The following CNTNAP5 variants were observed in gnomAD, a reference collection of about 807,000 sequenced individuals.
The protein encoded by CNTNAP5 is contactin associated protein family member 5.
Under a neutral mutation model 150.2 loss-of-function variants are expected in CNTNAP5, and 72 were observed. The observed-to-expected ratio is 0.48, with a 90% CI of 0.40 to 0.58. The LOEUF is 0.58. Ranked by LOEUF, CNTNAP5 falls within the 20% of genes least tolerant of loss-of-function variation. CNTNAP5 has a pLI of 0.00. For missense variants in CNTNAP5, 1,636 were observed against 1,626.2 expected (o/e 1.01, Z -0.10); for synonymous variants, 672 against 619.8 (o/e 1.08, Z -1.25).
chr2:124,385,916 G>A (rs2565763), intron 3 of CNTNAP5, among the ~76,000 whole-genome samples: 199 of 151,714 alleles, frequency 1.3e-3, no homozygotes, highest in African/African-American at 4.2e-3. Flanking sequence ...GTTTGTTTTC[G>A]GCCGTTTGGC....
At chr2:124,160,929 C>T (rs1339051897) in intron 1 of CNTNAP5, among the ~76,000 whole-genome samples, 3 of 152,164 alleles carry the variant, frequency 2.0e-5, no homozygotes, top group East Asian at 1.9e-4. Context: ...TTTGTTTGTA[C>T]TATATCCTGC....
At chr2:124,905,502 C>A (rs973413599) in intron 22 of CNTNAP5, among the ~76,000 whole-genome samples, 1 of 152,074 alleles carries the variant, frequency 6.6e-6, no homozygotes, top group Non-Finnish European at 1.5e-5. Flanking sequence ...GCTTCACTAC[C>A]CTCTAAGTGC....
intron 8 of CNTNAP5, 65 bp downstream of exon 8, chr2:124,504,621 G>A: frequency 6.6e-7 from 1 of 1,506,412 alleles, no homozygotes; most frequent in Non-Finnish European, 9.1e-7. Flanking sequence ...TTGAGGTCCT[G>A]ACAAAAACAT....
At chr2:124,203,384 G>T (rs1685776202) in intron 1 of CNTNAP5, among the ~76,000 whole-genome samples, 1 of 152,090 alleles carries the variant, frequency 6.6e-6, no homozygotes, top group Non-Finnish European at 1.5e-5. Context: ...GACTTTTCTG[G>T]GCTCATGGTG....
intron 14 of CNTNAP5, among the ~76,000 whole-genome samples, chr2:124,755,145 A>G (rs1260110209): frequency 6.6e-6 from 1 of 152,082 alleles, no homozygotes; most frequent in Non-Finnish European, 1.5e-5. Context: ...TCTAATATGA[A>G]CAGCCTATCA....
chr2:124,731,249 A>C (rs1680264136), intron 13 of CNTNAP5, among the ~76,000 whole-genome samples: 1 of 151,994 alleles, frequency 6.6e-6, no homozygotes, highest in Non-Finnish European at 1.5e-5. Context: ...GTTCTCTTTG[A>C]TGTATTTGCC....
Position 124,786,700 on chromosome 2 carries a change from G to A in CNTNAP5, c.2753-3202G>A, listed in dbSNP as rs72980445. Among the ~76,000 whole-genome samples, 1,088 of 152,194 alleles carry A rather than the reference G, an allele frequency of 7.1e-3. 17 individuals are homozygous for A. The highest frequency in any genetic ancestry group is 0.025 in the African/African-American group (1,028 of 41,504). Reference sequence around the variant, plus strand: ...GGGAGAGAAAATCCACAGGGCTGGCGTAGGGGAGGAGGACAGTGAGAGAGG... The same window carrying A: ...GGGAGAGAAAATCCACAGGGCTGGCATAGGGGAGGAGGACAGTGAGAGAGG... On this transcript the variant is annotated intron_variant, in intron 17 of 23. Coordinates refer to ENST00000682447, the MANE Select transcript of CNTNAP5 (RefSeq NM_001367498.1).
intron 6 of CNTNAP5, among the ~76,000 whole-genome samples, chr2:124,452,518 C>A (rs563878802): frequency 1.2e-4 from 18 of 152,144 alleles, no homozygotes; most frequent in Non-Finnish European, 2.1e-4. Flanking sequence ...TGGCCACCAC[C>A]TGTTCCTCTC....
Position 124,196,662 on chromosome 2 carries a change from AGT to A in CNTNAP5, c.83-25042_83-25041del, listed in dbSNP as rs151129537. On this transcript the variant is annotated intron_variant, in intron 1 of 23. Transcript: ENST00000682447. ...AAGCATCCCACTTCCCACTGTAAACAGTCACAAAGCATTTTAAAATAGGTTCA... is the reference window on the plus strand; with the variant it reads ...AAGCATCCCACTTCCCACTGTAAACACACAAAGCATTTTAAAATAGGTTCA... Among the ~76,000 whole-genome samples, 1,508 of 152,340 alleles carry A rather than the reference AGT, an allele frequency of 9.9e-3. 22 individuals carry two copies. Among genetic ancestry groups the A allele is most frequent in the African/African-American group, 0.035 (1,440 of 41,574 alleles).
chr2:124,813,287 C>T (rs1412697511), intron 19 of CNTNAP5, among the ~76,000 whole-genome samples: 1 of 151,962 alleles, frequency 6.6e-6, no homozygotes, highest in African/African-American at 2.4e-5. Context: ...CCATTTTAGC[C>T]AGGATGGTCT....
intron 3 of CNTNAP5, among the ~76,000 whole-genome samples, chr2:124,369,174 A>G (rs1045411780): frequency 1.3e-5 from 2 of 152,154 alleles, no homozygotes; most frequent in African/African-American, 4.8e-5. Context: ...CAAGAGAGCT[A>G]TCTCTACCCA....
chr2:124,652,504 T>C (rs976723858), intron 13 of CNTNAP5, among the ~76,000 whole-genome samples: 1 of 152,170 alleles, frequency 6.6e-6, no homozygotes, highest in Non-Finnish European at 1.5e-5. Flanking sequence ...GAAGGCGACA[T>C]GTGATGAGCA....
intron 19 of CNTNAP5, among the ~76,000 whole-genome samples, chr2:124,839,458 T>G (rs1381772244): frequency 6.6e-6 from 1 of 151,486 alleles, no homozygotes; most frequent in Non-Finnish European, 1.5e-5. Context: ...CCTTTCCCCC[T>G]CTCTCTTTAC....
At chr2:124,308,252 C>T (rs1688739370) in intron 3 of CNTNAP5, among the ~76,000 whole-genome samples, 1 of 151,984 alleles carries the variant, frequency 6.6e-6, no homozygotes, top group East Asian at 1.9e-4. Context: ...TAGTTGTGAC[C>T]TCACATACCT....
intron 1 of CNTNAP5, among the ~76,000 whole-genome samples, chr2:124,218,666 C>G (rs765576314): frequency 6.6e-6 from 1 of 152,174 alleles, no homozygotes; most frequent in South Asian, 2.1e-4. Flanking sequence ...GAGGAGAAAA[C>G]GGACAGTAGG....
rs558715249 is a variant in CNTNAP5 at position 124,362,148 on chromosome 2, A to G, written c.382-55295A>G. Among the ~76,000 whole-genome samples, 1,402 of 152,340 alleles carry G rather than the reference A, an allele frequency of 9.2e-3. 27 individuals carry two copies. The highest frequency in any genetic ancestry group is 0.032 in the African/African-American group (1,332 of 41,584). On this transcript the variant is annotated intron_variant, in intron 3 of 23. Coordinates refer to ENST00000682447, the MANE Select transcript of CNTNAP5 (RefSeq NM_001367498.1). ...CCCCTTGCGCTTCCCAAGTGAGGCA[A>G]TGCCTCGCCCTGCTTCGGCTGGCGC... is the stretch of plus-strand genomic sequence containing the variant.
chr2:124,256,964 CT>C (rs1687329735), intron 3 of CNTNAP5, among the ~76,000 whole-genome samples: 1 of 152,070 alleles, frequency 6.6e-6, no homozygotes, highest in Non-Finnish European at 1.5e-5. Context: ...AATCTAATGA[CT>C]GATATCTTTA....
At chr2:124,655,083 C>T (rs141154211) in intron 13 of CNTNAP5, among the ~76,000 whole-genome samples, 351 of 152,104 alleles carry the variant, frequency 2.3e-3, no homozygotes, top group African/African-American at 7.8e-3. Context: ...CCTATCAACC[C>T]GCCATCTAGG....
At chr2:124,406,661 T>C (rs1691579480) in intron 3 of CNTNAP5, among the ~76,000 whole-genome samples, 1 of 152,194 alleles carries the variant, frequency 6.6e-6, no homozygotes, top group Non-Finnish European at 1.5e-5. Context: ...ATTTGGGATA[T>C]CCATCAGCTC....
Sources: gnomAD v4.1 joint callset for allele counts (sites outside exome capture counted in the v4.1 genomes callset) on GRCh38, gnomAD v4.1.1 for gene constraint, MANE v1.5 for transcripts, NCBI Gene and HGNC (gene_info 2026-07-23, HGNC 2026-07-21) for gene names.